DAGLA: variants seen among roughly 807,000 people sequenced by gnomAD.
The protein encoded by DAGLA is diacylglycerol lipase alpha.
DAGLA carries 22 observed loss-of-function variants against 102.6 expected under a neutral mutation model. The observed-to-expected ratio is 0.21, with a 90% CI of 0.15 to 0.31. DAGLA has a LOEUF of 0.31. Among genes scored for constraint, DAGLA ranks in the 10% least tolerant of loss-of-function variants. DAGLA has a pLI of 1.00. For synonymous variants in DAGLA, 578 were observed against 628.9 expected, an observed-to-expected ratio of 0.92 and a Z score of 1.21; for missense variants, 927 against 1,446.6, an observed-to-expected ratio of 0.64 and a Z score of 5.83.
rs1591059357 is a variant in DAGLA at position 61,746,089 on chromosome 11, A to C, written c.*1600A>C. The C allele has an allele frequency of 1.3e-5, 2 of 150,686 alleles. No individual in the cohort carries two copies. Among genetic ancestry groups the C allele is most frequent in the African/African-American group, 2.5e-5 (1 of 40,774 alleles). 9.3% of individuals were successfully genotyped at this position (150,686 alleles called of 1,614,324 possible). A position where few individuals can be genotyped will look rare whatever the true frequency, so the allele number is the denominator to read the frequency against. On this transcript the variant is annotated 3_prime_UTR_variant, in exon 20 of 20. Coordinates refer to ENST00000257215, the MANE Select transcript of DAGLA (RefSeq NM_006133.3). The stretch of plus-strand genomic sequence containing the variant: ...TGGCCTAGGCTCCCCCGACCAAGAG[A>C]CCTCCCTCTCATGATCACTGGTACC...
At chr11:61,700,324 C>T (rs557697336) in intron 1 of DAGLA, among the ~76,000 whole-genome samples, 1 of 152,322 alleles carries the variant, frequency 6.6e-6, no homozygotes, top group South Asian at 2.1e-4. Context: ...GCAGGCCCTC[C>T]TGCAAGGAGA....
chr11:61,715,846 A>G (rs997407506), intron 1 of DAGLA, among the ~76,000 whole-genome samples: 5 of 152,110 alleles, frequency 3.3e-5, no homozygotes, highest in African/African-American at 9.7e-5. Context: ...TAGTGACATC[A>G]CCCCAGTCTG....
In DAGLA at chr11:61,744,635, T is replaced by G. The variant is rs1591058400; in HGVS notation, c.*146T>G. On this transcript the variant is annotated 3_prime_UTR_variant, in exon 20 of 20. Coordinates refer to ENST00000257215, the MANE Select transcript of DAGLA (RefSeq NM_006133.3). ...ACAGGCATCGCTGCTGAGCTGGGGG[T>G]CCGCATCCCTACCTCAGCTTAGGAC... The G allele has an allele frequency of 1.5e-6, 1 of 654,084 alleles. No individual in the cohort carries two copies. The highest frequency in any genetic ancestry group is 2.8e-5 in the East Asian group (1 of 35,296). 40.5% of individuals were successfully genotyped at this position (654,084 alleles called of 1,614,324 possible).
intron 1 of DAGLA, among the ~76,000 whole-genome samples, chr11:61,700,301 C>T (rs2065099483): frequency 6.9e-6 from 1 of 145,918 alleles, no homozygotes; most frequent in Admixed American, 6.7e-5. Flanking sequence ...TCCTTTTCTG[C>T]AGCAGCCTGT....
chr11:61,705,809 A>G (rs1164193192), intron 1 of DAGLA, among the ~76,000 whole-genome samples: 1 of 152,196 alleles, frequency 6.6e-6, no homozygotes, highest in African/African-American at 2.4e-5. Flanking sequence ...CACACCACCC[A>G]GGGCCCACCC....
rs181728629 is a variant in DAGLA at position 61,742,788 on chromosome 11, C to T, written c.2172-744C>T. Among the ~76,000 whole-genome samples the T allele has an allele frequency of 9.3e-3, 1,332 of 143,742 alleles. 21 individuals are homozygous for T. Among genetic ancestry groups the T allele is most frequent in the African/African-American group, 0.031 (1,229 of 39,318 alleles). 94.3% of individuals were successfully genotyped at this position (143,742 alleles called of 152,430 possible). A position where few individuals can be genotyped will look rare whatever the true frequency, so the allele number is the denominator to read the frequency against. On this transcript the variant is annotated intron_variant, in intron 19 of 19. Transcript: ENST00000257215. ...TGTCCCTCCCTCCCTCCCTCCCTTC[C>T]TCCTTCCCTCCCTCCCTCCTTCCCT...
At chr11:61,731,583 C>G in intron 9 of DAGLA, 142 bp downstream of exon 9, 1 of 1,180,748 alleles carries the variant, frequency 8.5e-7, no homozygotes, top group South Asian at 1.5e-5. Flanking sequence ...CTTTCTAGTT[C>G]TGTGTTATCC....
rs1267837673 is a variant in DAGLA, at chr11:61,723,510, C to T, written c.486C>T (p.Arg162=). The T allele has an allele frequency of 1.2e-6, 2 of 1,614,166 alleles. No individual in the cohort carries two copies. The highest frequency in any genetic ancestry group is 4.5e-5 in the East Asian group (2 of 44,890). ...TVLCVFDPTG[R]TFVKLRATKR... ...TCTGCGTCTTCGACCCCACGGGCCG[C>T]ACCTTTGTCAAGCTGAGAGCCACCA... is the stretch of plus-strand genomic sequence containing the variant. The change falls in exon 5 of 20, where the codon CGC becomes CGT. Residue 162 remains arginine, a synonymous_variant. Transcript: ENST00000257215.
At chr11:61,739,693 G>A (rs1234334286) in intron 17 of DAGLA, 32 bp downstream of exon 17, 3 of 1,605,130 alleles carry the variant, frequency 1.9e-6, no homozygotes, top group Non-Finnish European at 2.5e-6. Flanking sequence ...TGCTGCAGGG[G>A]GTAGTGGCCA....
chr11:61,732,654 G>T (rs903229676), intron 9 of DAGLA, among the ~76,000 whole-genome samples: 3 of 152,172 alleles, frequency 2.0e-5, no homozygotes, highest in Non-Finnish European at 2.9e-5. Context: ...CCTTAGTGTT[G>T]CAGAGAGAGC....
At chr11:61,680,840 A>C (rs888181318) in intron 1 of DAGLA, among the ~76,000 whole-genome samples, 2 of 151,986 alleles carry the variant, frequency 1.3e-5, no homozygotes, top group African/African-American at 4.8e-5. Flanking sequence ...CAGGTAGGTG[A>C]TGGGCACGGC....
chr11:61,714,324 G>A (rs1179603343), intron 1 of DAGLA, among the ~76,000 whole-genome samples: 1 of 152,218 alleles, frequency 6.6e-6, no homozygotes, highest in Non-Finnish European at 1.5e-5. Context: ...CCCAGGGAAG[G>A]TGGCTCTCTG....
intron 1 of DAGLA, among the ~76,000 whole-genome samples, chr11:61,704,884 A>C (rs963806226): frequency 1.3e-5 from 2 of 152,160 alleles, no homozygotes; most frequent in African/African-American, 2.4e-5. Flanking sequence ...AATGTTCAGG[A>C]GAAATGCCTC....
At chr11:61,708,879 G>A (rs1591034308) in intron 1 of DAGLA, among the ~76,000 whole-genome samples, 2 of 152,186 alleles carry the variant, frequency 1.3e-5, no homozygotes, top group Non-Finnish European at 1.5e-5. Flanking sequence ...CCGGCAGCAG[G>A]GGCCTTCTGA....
At chr11:61,718,855 C>G (rs972435002) in intron 1 of DAGLA, among the ~76,000 whole-genome samples, 1 of 152,186 alleles carries the variant, frequency 6.6e-6, no homozygotes, top group Admixed American at 6.5e-5. Context: ...GGCCCCACGC[C>G]CTCTCGCCCA....
At position 61,744,288 on chromosome 11, in the gene DAGLA, T is replaced by G. The variant is rs766690924; in HGVS notation, c.2928T>G (p.Phe976Leu). The G allele has an allele frequency of 1.9e-6, 3 of 1,612,904 alleles. No individual in the cohort carries two copies. The highest frequency in any genetic ancestry group is 1.7e-6 in the Non-Finnish European group (2 of 1,179,880). The change falls in exon 20 of 20, where the codon TTT becomes TTG. Residue 976 changes from phenylalanine to leucine, a missense_variant. By Grantham distance (22) the Phe-to-Leu change is conservative. Coordinates refer to ENST00000257215, the MANE Select transcript of DAGLA (RefSeq NM_006133.3). Reference sequence around the variant, plus strand: ...TGGTGCCCAAGCCCCCACGGCTCTTTGCCGGCTCAGCCGACCCCTCCTCGG... The same window carrying G: ...TGGTGCCCAAGCCCCCACGGCTCTTGGCCGGCTCAGCCGACCCCTCCTCGG... ...PNLVPKPPRL[F>L]AGSADPSSGI...
intron 6 of DAGLA, among the ~76,000 whole-genome samples, chr11:61,726,441 G>A (rs2065327806): frequency 6.6e-6 from 1 of 152,256 alleles, no homozygotes; most frequent in Admixed American, 6.5e-5. Context: ...GCCTGGCAAA[G>A]CCGATAGGCG....
chr11:61,744,588 CA>C lies in DAGLA; in HGVS notation c.*100del. The C allele has an allele frequency of 9.4e-7, 1 of 1,063,408 alleles. No individual in the cohort carries two copies. Among genetic ancestry groups the C allele is most frequent in the Non-Finnish European group, 1.3e-6 (1 of 743,416 alleles). The allele number at this position is 1,063,408 out of a possible 1,614,324, so 65.9% of individuals were successfully genotyped here. A position where few individuals can be genotyped will look rare whatever the true frequency, so the allele number is the denominator to read the frequency against. On this transcript the variant is annotated 3_prime_UTR_variant, in exon 20 of 20. Coordinates refer to ENST00000257215, the MANE Select transcript of DAGLA (RefSeq NM_006133.3). ...CCGGGCAGCTTTAAGGACAGACCCC[CA>C]GGGGCAGTTTAGCCTCAGGCACAGG...
intron 1 of DAGLA, 53 bp from the exon 2 acceptor site, chr11:61,720,057 GCC>G: frequency 8.1e-7 from 1 of 1,235,310 alleles, no homozygotes; most frequent in Middle Eastern, 2.5e-4. Flanking sequence ...GAATGCAGTG[GCC>G]CTGGGTGCCT....
Sources: gnomAD v4.1 joint callset for allele counts (sites outside exome capture counted in the v4.1 genomes callset) on GRCh38, gnomAD v4.1.1 for gene constraint, MANE v1.5 for transcripts, NCBI Gene and HGNC (gene_info 2026-07-23, HGNC 2026-07-21) for gene names.